The following ZNF454 variants were observed in gnomAD, a reference collection of about 807,000 sequenced individuals.
ZNF454 encodes the protein zinc finger protein 454.
Under a neutral mutation model 48.2 loss-of-function variants are expected in ZNF454, and 30 were observed. The observed-to-expected ratio is 0.62, with a 90% confidence interval of 0.47 to 0.84. The LOEUF (loss-of-function observed/expected upper bound fraction) is 0.84. Among genes scored for constraint, ZNF454 ranks in the 40% least tolerant of loss-of-function variants. ZNF454 has a pLI of 0.00. For missense variants in ZNF454, 510 were observed against 623.1 expected (o/e 0.82, Z 1.93); for synonymous variants, 204 against 211.4 (o/e 0.97, Z 0.30).
the ZNF454 span, chr5:178,977,496 T>TTA: frequency 2.2e-6 from 1 of 447,714 alleles, no homozygotes; most frequent in South Asian, 1.6e-5. Flanking sequence ...TGGTACTCTT[T>TTA]TATAGCAGCC....
rs1417922811 is a variant in ZNF454, at chr5:178,965,051, A to G, written c.647A>G (p.Tyr216Cys). The G allele has an allele frequency of 6.2e-7, 1 of 1,614,248 alleles. No individual in the cohort carries two copies. The highest frequency in any genetic ancestry group is 8.5e-7 in the Non-Finnish European group (1 of 1,180,040). ...NQKIHIKEKR[Y>C]ECRECGKAFH... Reference sequence around the variant, plus strand: ...AAAATTCATATTAAGGAGAAAAGATATGAATGTAGAGAATGTGGGAAAGCC... The same window carrying G: ...AAAATTCATATTAAGGAGAAAAGATGTGAATGTAGAGAATGTGGGAAAGCC... The change falls in exon 5 of 5, where the codon TAT (tyrosine) becomes TGT (cysteine). Residue 216 changes from tyrosine to cysteine, a missense_variant. By Grantham distance (194) the Tyr-to-Cys change is radical. Transcript: ENST00000519564. The surrounding 1 kb of genome is among the most constrained non-coding windows in gnomAD (Gnocchi z 5.2).
the ZNF454 span, chr5:178,988,998 G>T: frequency 6.2e-7 from 1 of 1,614,068 alleles, no homozygotes; most frequent in African/African-American, 1.3e-5. The surrounding 1 kb of genome is among the most constrained non-coding windows in gnomAD (Gnocchi z 6.0). Flanking sequence ...TCCATCGCCG[G>T]GCACAGGCCT....
Position 178,946,587 on chromosome 5 carries a change from CT to C in ZNF454, c.160+103del. The C allele has an allele frequency of 6.9e-7, 1 of 1,443,792 alleles. No homozygotes were observed. The highest frequency in any genetic ancestry group is 9.3e-7 in the Non-Finnish European group (1 of 1,076,464). 89.4% of individuals were successfully genotyped at this position (1,443,792 alleles called of 1,614,324 possible). On this transcript the variant is annotated intron_variant, in intron 3 of 4. Coordinates refer to ENST00000519564, the MANE Select transcript of ZNF454 (RefSeq NM_001178089.3). This position sits in a 1 kb window ranked among gnomAD's most constrained non-coding sequence, Gnocchi z 4.5. Reference sequence around the variant, plus strand: ...GAGTCGGTTGGACCAACTGAGGACGCTGTCTTCAAGGGTGCCATTAATTTTA... The same window carrying C: ...GAGTCGGTTGGACCAACTGAGGACGCGTCTTCAAGGGTGCCATTAATTTTA...
In ZNF454 at chr5:178,966,102, G is replaced by C. The variant is rs755697008; in HGVS notation, c.*129G>C. On this transcript the variant is annotated 3_prime_UTR_variant, in exon 5 of 5. Coordinates refer to ENST00000519564, the MANE Select transcript of ZNF454 (RefSeq NM_001178089.3). ...AGTCACTTTATTTACTGAGGGTCAG[G>C]TTTCACAGTGTCATGGGGTTTGGGC... 6.2e-5 allele frequency: 53 copies of C among 856,288 alleles called. No individual in the cohort carries two copies. Among genetic ancestry groups the C allele is most frequent in the Admixed American group, 1.5e-4 (6 of 40,230 alleles). The allele number at this position is 856,288 out of a possible 1,614,324, so 53.0% of individuals were successfully genotyped here. A position where few individuals can be genotyped will look rare whatever the true frequency, so the allele number is the denominator to read the frequency against.
chr5:178,989,025 G>A, the ZNF454 span: 15 of 1,613,920 alleles, frequency 9.3e-6, no homozygotes, highest in Non-Finnish European at 1.2e-5. Flanking sequence ...CCAGGGCAGA[G>A]CGCCTGGTGC....
the ZNF454 span, chr5:178,982,755 T>C: frequency 8.0e-6 from 5 of 628,386 alleles, no homozygotes; most frequent in African/African-American, 9.5e-5. Flanking sequence ...CTTGGAAAAG[T>C]GAATGAATGA....
At chr5:178,984,798 G>C in the ZNF454 span, among the ~76,000 whole-genome samples, 1 of 152,078 alleles carries the variant, frequency 6.6e-6, no homozygotes, top group Non-Finnish European at 1.5e-5. Flanking sequence ...AATAGAGAAG[G>C]GGCTCGCCGG....
chr5:178,946,299 T>C lies in ZNF454; in HGVS notation c.34-60T>C, dbSNP rs1262585753. 2 of 1,590,310 alleles carry C rather than the reference T, an allele frequency of 1.3e-6. No individual in the cohort carries two copies. Among genetic ancestry groups the C allele is most frequent in the African/African-American group, 2.7e-5 (2 of 73,264 alleles). ...AGCTCCTAGGGGCTGCCAGTCTCTT[T>C]TCCAGAGAACCATGTGCAGGGGTAG... On this transcript the variant is annotated intron_variant, in intron 2 of 4. Transcript: ENST00000519564. This position sits in a 1 kb window ranked among gnomAD's most constrained non-coding sequence, Gnocchi z 4.5.
the ZNF454 span, chr5:178,985,784 C>T: frequency 4.4e-5 from 22 of 495,824 alleles, no homozygotes; most frequent in Non-Finnish European, 7.7e-5. Context: ...TGTTTTGAGA[C>T]AGGGTCTTAC....
At chr5:178,968,829 C>T (rs1449287353), downstream of ZNF454, 2 of 456,578 alleles carry the variant, frequency 4.4e-6, no homozygotes, top group Non-Finnish European at 4.4e-6. Flanking sequence ...ATGTGCCTAC[C>T]GTTGAGCCAG....
rs756912368 is a variant in ZNF454, at chr5:178,965,693, A to G, written c.1289A>G (p.His430Arg). Residue 430 changes from histidine (H) to arginine (R), a missense_variant, in exon 5 of 5, where the codon CAT (histidine) becomes CGT (arginine). His to Arg is a conservative substitution (Grantham distance 29). Around this residue, in one of 3 missense-constraint regions of ZNF454, gnomAD observed 153 missense variants for 195.8 expected, o/e 0.78. Coordinates refer to ENST00000519564, the MANE Select transcript of ZNF454 (RefSeq NM_001178089.3). This position sits in a 1 kb window ranked among gnomAD's most constrained non-coding sequence, Gnocchi z 5.2. ...CGGGACCAATCAGCACTAGCCCAAC[A>G]TCAGAGAATTCATACTGGGGAAAAA... ...AFRDQSALAQ[H>R]QRIHTGEKPY... is the part of the protein sequence containing the mutation. The G allele has an allele frequency of 3.1e-6, 5 of 1,614,252 alleles. No homozygotes were observed. The highest frequency in any genetic ancestry group is 1.7e-5 in the Admixed American group (1 of 60,030).
the ZNF454 span, chr5:178,983,284 A>G: frequency 7.0e-7 from 1 of 1,431,364 alleles, no homozygotes; most frequent in Non-Finnish European, 9.8e-7. Flanking sequence ...TCCAGCCCTG[A>G]CAGAGGCCCC....
At chr5:178,980,825 G>T in the ZNF454 span, 4 of 152,208 alleles carry the variant, frequency 2.6e-5, no homozygotes, top group African/African-American at 4.8e-5. This position sits in a 1 kb window ranked among gnomAD's most constrained non-coding sequence, Gnocchi z 4.3. Context: ...GTAGAGACAG[G>T]GTTTCACCAC....
At chr5:178,984,109 C>T in the ZNF454 span, among the ~76,000 whole-genome samples, 1,295 of 152,056 alleles carry the variant, frequency 8.5e-3, 16 homozygotes, top group Non-Finnish European at 0.014. Flanking sequence ...AAGTGGATCA[C>T]GAGGTCAGGA....
At chr5:178,984,874 C>G in the ZNF454 span, among the ~76,000 whole-genome samples, 517 of 152,280 alleles carry the variant, frequency 3.4e-3, 3 homozygotes, top group Admixed American at 8.2e-3. Flanking sequence ...CACCCTCCAC[C>G]TGGCCCTGAG....
the ZNF454 span, chr5:178,985,718 AAC>A: frequency 4.8e-6 from 2 of 420,970 alleles, no homozygotes; most frequent in Non-Finnish European, 9.3e-6. Context: ...AAAAAAACAA[AAC>A]AACACAGGAA....
chr5:178,964,859 G>A lies in ZNF454; in HGVS notation c.455G>A (p.Cys152Tyr), dbSNP rs6867221. The change falls in exon 5 of 5, where the codon TGT (cysteine) becomes TAT (tyrosine). Residue 152 changes from cysteine (C) to tyrosine (Y), a missense_variant. Transcript: ENST00000519564. ...LTHPNTPSQE[C>Y]DESGSTMSSS... ...CACCCCAACACCCCATCACAGGAAT[G>A]TGATGAATCCGGGAGCACTATGAGC... The A allele has an allele frequency of 0.31, 498,515 of 1,613,964 alleles. 78,566 individuals carry two copies. Among genetic ancestry groups the A allele is most frequent in the South Asian group, 0.34 (30,824 of 91,076 alleles).
At chr5:178,980,536 G>A in the ZNF454 span, 56 of 154,332 alleles carry the variant, frequency 3.6e-4, 2 homozygotes, top group South Asian at 9.4e-3. This position sits in a 1 kb window ranked among gnomAD's most constrained non-coding sequence, Gnocchi z 4.3. Context: ...TCCCCAACCC[G>A]AACACAACAC....
chr5:178,949,910 C>T (rs112884375), intron 4 of ZNF454, among the ~76,000 whole-genome samples: 12,234 of 150,406 alleles, frequency 0.081, 849 homozygotes, highest in African/African-American at 0.19. Flanking sequence ...CCACCACGCC[C>T]GGCCTCTGTT....
Sources: gnomAD v4.1 joint callset for allele counts (sites outside exome capture counted in the v4.1 genomes callset) on GRCh38, gnomAD v4.1.1 for gene constraint, gnomAD v4.1.1 regional missense constraint, Gnocchi (gnomAD v3.1) non-coding constraint, MANE v1.5 for transcripts, NCBI Gene and HGNC (gene_info 2026-07-23, HGNC 2026-07-21) for gene names.